Variants in CACNA1I observed in about 807,000 individuals in gnomAD.
The protein encoded by CACNA1I is calcium voltage-gated channel subunit alpha1 I, also known as voltage-dependent T-type calcium channel subunit alpha-1I.
CACNA1I carries 74 observed loss-of-function variants against 201.6 expected under a neutral mutation model. The ratio of observed to expected loss-of-function variants is 0.37; its 90% CI spans 0.30 to 0.45. The LOEUF (loss-of-function observed/expected upper bound fraction) is 0.45, where lower values mean the gene tolerates loss of function less well. Among genes scored for constraint, CACNA1I ranks in the 20% least tolerant of loss-of-function variants. The pLI is 1.00. For missense variants in CACNA1I, 2,346 were observed against 3,138.1 expected (o/e 0.75, Z 6.03); for synonymous variants, 1,431 against 1,345.2 (o/e 1.06, Z -1.40).
Position 39,677,296 on chromosome 22 carries a change from C to T in CACNA1I, c.4855-45C>T, listed in dbSNP as rs1162639855. On this transcript the variant is annotated intron_variant, in intron 29 of 36. Transcript: ENST00000402142. The surrounding 1 kb of genome is among the most constrained non-coding windows in gnomAD (Gnocchi z 4.8). ...CACCCTTCCCAGGCCTGGTGCGCCC[C>T]CACCCGCTCCCCAGCCCCACCCGGC... 2.9e-6 allele frequency: 4 copies of T among 1,389,632 alleles called. No individual in the cohort carries two copies. Among genetic ancestry groups the T allele is most frequent in the Non-Finnish European group, 3.0e-6 (3 of 1,009,824 alleles). The allele number at this position is 1,389,632 out of a possible 1,614,324, so 86.1% of individuals were successfully genotyped here.
At chr22:39,669,454 A>G (rs573689635) in intron 24 of CACNA1I, among the ~76,000 whole-genome samples, 8 of 152,118 alleles carry the variant, frequency 5.3e-5, no homozygotes, top group Non-Finnish European at 1.2e-4. Flanking sequence ...TTTCTGCCTT[A>G]TTTCTGGATG....
At chr22:39,624,941 C>T (rs1299925437) in intron 4 of CACNA1I, among the ~76,000 whole-genome samples, 2 of 145,760 alleles carry the variant, frequency 1.4e-5, no homozygotes, top group African/African-American at 5.1e-5. Flanking sequence ...CAGCATCTAG[C>T]CCTGTCACCC....
At chr22:39,601,989 C>T (rs1933067685) in intron 3 of CACNA1I, among the ~76,000 whole-genome samples, 1 of 19,412 alleles carries the variant, frequency 5.2e-5, no homozygotes, top group African/African-American at 2.6e-4. Flanking sequence ...CCCTTCCTTC[C>T]TTCCTTCCTT....
chr22:39,630,627 G>A (rs1934033742), intron 4 of CACNA1I, among the ~76,000 whole-genome samples: 2 of 152,264 alleles, frequency 1.3e-5, no homozygotes, highest in African/African-American at 4.8e-5. Flanking sequence ...TTTCCAGCGG[G>A]GAGGAGGAGG....
chr22:39,610,271 G>A (rs985545377), intron 3 of CACNA1I, among the ~76,000 whole-genome samples: 13 of 152,214 alleles, frequency 8.5e-5, no homozygotes, highest in African/African-American at 2.9e-4. Context: ...CCCCAGAGCC[G>A]TGGAGGCATC....
At position 39,677,449 on chromosome 22, in the gene CACNA1I, G is replaced by T. The variant is rs1162370703; in HGVS notation, c.4933+30G>T. ...GTGACTCCCAGAGCAGGCCCGTGGT[G>T]GGGGTGCAGCAGGGCTGCAGGAGGA... On this transcript the variant is annotated intron_variant, in intron 30 of 36. Coordinates refer to ENST00000402142, the MANE Select transcript of CACNA1I (RefSeq NM_021096.4). This position sits in a 1 kb window ranked among gnomAD's most constrained non-coding sequence, Gnocchi z 4.8. 4 of 1,480,078 alleles carry T rather than the reference G, an allele frequency of 2.7e-6. No homozygotes were observed. In the South Asian group the frequency reaches 3.8e-5, roughly 14 times the overall value. 91.7% of individuals were successfully genotyped at this position (1,480,078 alleles called of 1,614,324 possible).
intron 1 of CACNA1I, among the ~76,000 whole-genome samples, chr22:39,595,429 G>A (rs557212473): frequency 8.5e-4 from 129 of 151,680 alleles, no homozygotes; most frequent in African/African-American, 3.0e-3. Context: ...TTCAAGACCA[G>A]CCTGGCCAAC....
intron 1 of CACNA1I, among the ~76,000 whole-genome samples, chr22:39,597,817 G>A (rs1932924162): frequency 6.6e-6 from 1 of 152,212 alleles, no homozygotes; most frequent in Non-Finnish European, 1.5e-5. Flanking sequence ...AGTTGGGGTG[G>A]AGAGGCTGGG....
chr22:39,671,442 T>C (rs541563214), intron 26 of CACNA1I, among the ~76,000 whole-genome samples: 2 of 152,290 alleles, frequency 1.3e-5, no homozygotes, highest in African/African-American at 4.8e-5. Flanking sequence ...AAGCCTACCA[T>C]GTAGCCTCCT....
At chr22:39,662,931 C>T (rs772738352) in intron 18 of CACNA1I, 55 bp downstream of exon 18, 2 of 1,176,624 alleles carry the variant, frequency 1.7e-6, no homozygotes, top group Non-Finnish European at 2.5e-6. Flanking sequence ...GTGGGAGGGA[C>T]GGATCTCTGC....
At chr22:39,653,735 T>C (rs1286866344) in intron 10 of CACNA1I, among the ~76,000 whole-genome samples, 3 of 152,206 alleles carry the variant, frequency 2.0e-5, no homozygotes, top group South Asian at 2.1e-4. Flanking sequence ...ACAGGTTAGA[T>C]TGCAGTTGCT....
chr22:39,598,166 C>G lies in CACNA1I; in HGVS notation c.252C>G (p.Val84=). The change falls in exon 2 of 37, where the codon GTC becomes GTG. Residue 84 remains valine, a synonymous_variant. Transcript: ENST00000402142. ...TGGTGTGCACGTGGTTTGAATGTGTCAGCATGCTGGTGATCCTGCTGAACT... is the reference window on the plus strand; with the variant it reads ...TGGTGTGCACGTGGTTTGAATGTGTGAGCATGCTGGTGATCCTGCTGAACT... ...KMVCNPWFEC[V]SMLVILLNCV... The G allele has an allele frequency of 6.2e-7, 1 of 1,601,758 alleles. No individual in the cohort carries two copies. The highest frequency in any genetic ancestry group is 1.1e-5 in the South Asian group (1 of 88,458).
intron 17 of CACNA1I, 21 bp from the exon 18 acceptor site, chr22:39,662,755 G>T: frequency 2.0e-6 from 3 of 1,527,942 alleles, no homozygotes; most frequent in South Asian, 1.2e-5. Flanking sequence ...GACCCCCGGC[G>T]CTCCGTCCTC....
At chr22:39,618,351 G>A (rs906866063) in intron 3 of CACNA1I, among the ~76,000 whole-genome samples, 3 of 151,690 alleles carry the variant, frequency 2.0e-5, no homozygotes, top group Non-Finnish European at 4.4e-5. Context: ...GTTTGTGGGT[G>A]TGTGGTTGTG....
At chr22:39,624,655 GC>G (rs1352688472) in intron 4 of CACNA1I, among the ~76,000 whole-genome samples, 1 of 152,184 alleles carries the variant, frequency 6.6e-6, no homozygotes, top group African/African-American at 2.4e-5. Context: ...AGCACGTGGG[GC>G]TTAAAGTCCA....
At chr22:39,588,677 G>A (rs530635362) in intron 1 of CACNA1I, among the ~76,000 whole-genome samples, 6 of 152,212 alleles carry the variant, frequency 3.9e-5, no homozygotes, top group South Asian at 2.1e-4. Context: ...GAGCCACTGC[G>A]CCCGGCCTTC....
At chr22:39,661,044 C>T in intron 15 of CACNA1I, 64 bp from the exon 16 acceptor site, 2 of 1,308,612 alleles carry the variant, frequency 1.5e-6, no homozygotes, top group Admixed American at 3.7e-5. Flanking sequence ...CTCGTGGCTC[C>T]CTTGCTGTTG....
chr22:39,607,212 G>A (rs747243048), intron 3 of CACNA1I, among the ~76,000 whole-genome samples: 7 of 152,186 alleles, frequency 4.6e-5, no homozygotes, highest in Non-Finnish European at 5.9e-5. Context: ...GAAAGACTTC[G>A]CAAGCTTCTG....
intron 10 of CACNA1I, among the ~76,000 whole-genome samples, chr22:39,655,068 G>A (rs1441284159): frequency 6.6e-6 from 1 of 152,174 alleles, no homozygotes; most frequent in Admixed American, 6.5e-5. Context: ...CTTCAACACA[G>A]CCTGGCCATG....
Sources: gnomAD v4.1 joint callset for allele counts (sites outside exome capture counted in the v4.1 genomes callset) on GRCh38, gnomAD v4.1.1 for gene constraint, Gnocchi (gnomAD v3.1) non-coding constraint, MANE v1.5 for transcripts, NCBI Gene and HGNC (gene_info 2026-07-23, HGNC 2026-07-21) for gene names.